The following TRAPPC13 variants were observed in gnomAD, a reference collection of about 807,000 sequenced individuals.
TRAPPC13 encodes trafficking protein particle complex subunit 13, also known as REV7-interacting novel NHEJ regulator 1.
A neutral mutation model predicts 54.0 loss-of-function variants in TRAPPC13; 39 were observed. That is an observed-to-expected ratio of 0.72 (90% CI 0.56 to 0.94). TRAPPC13 has a LOEUF of 0.94. Ranked by LOEUF, TRAPPC13 falls within the 40% of genes least tolerant of loss-of-function variation. The probability of loss-of-function intolerance (pLI) is 0.00; values close to 1 mark genes in which losing one functional copy is unlikely to be tolerated. For synonymous variants in TRAPPC13, 148 were observed against 167.7 expected (o/e 0.88, Z 0.91); for missense variants, 386 against 488.1 (o/e 0.79, Z 1.97).
chr5:65,636,174 C>T lies in TRAPPC13; in HGVS notation c.215+131C>T, dbSNP rs186037646. On this transcript the variant is annotated intron_variant, in intron 3 of 12. Coordinates refer to ENST00000399438, the MANE Select transcript of TRAPPC13 (RefSeq NM_024941.4). ...TTTTTTTTTTTCTGAGATGGAGTCT[C>T]GCTCTATTGCCCAGGCTGGAGTACA... The T allele has an allele frequency of 1.3e-4, 80 of 599,618 alleles. No individual in the cohort carries two copies. In the East Asian group the frequency reaches 1.7e-3, roughly 13 times the overall value. 37.1% of individuals were successfully genotyped at this position (599,618 alleles called of 1,614,324 possible).
intron 1 of TRAPPC13, among the ~76,000 whole-genome samples, chr5:65,627,818 CAATT>C (rs750226966): frequency 1.2e-4 from 18 of 152,110 alleles, no homozygotes; most frequent in African/African-American, 3.4e-4. Flanking sequence ...TTAAAGATCA[CAATT>C]ATTTATGAAT....
At chr5:65,649,888 A>T (rs467843) in intron 5 of TRAPPC13, among the ~76,000 whole-genome samples, 1 of 143,316 alleles carries the variant, frequency 7.0e-6, no homozygotes, top group African/African-American at 2.6e-5. Context: ...ATGGAGTCTT[A>T]CTCTGTCGCC....
intron 6 of TRAPPC13, among the ~76,000 whole-genome samples, chr5:65,651,652 G>GGGC (rs1037590667): frequency 6.7e-6 from 1 of 149,186 alleles, no homozygotes; most frequent in Non-Finnish European, 1.5e-5. Flanking sequence ...TATGTGGGGG[G>GGGC]GGTGGTGAGG....
chr5:65,633,983 T>G (rs1417065256), intron 1 of TRAPPC13, among the ~76,000 whole-genome samples: 4 of 131,296 alleles, frequency 3.0e-5, no homozygotes, highest in Admixed American at 2.3e-4. Flanking sequence ...CAGCGTTTTT[T>G]TTTTTTTTTT....
intron 9 of TRAPPC13, among the ~76,000 whole-genome samples, chr5:65,659,352 CT>C (rs1756766885): frequency 6.6e-6 from 1 of 152,160 alleles, no homozygotes; most frequent in South Asian, 2.1e-4. Context: ...ATCTTCATCC[CT>C]CCATTACATA....
At chr5:65,643,011 T>C (rs1288851698) in intron 4 of TRAPPC13, among the ~76,000 whole-genome samples, 1 of 152,156 alleles carries the variant, frequency 6.6e-6, no homozygotes, top group Non-Finnish European at 1.5e-5. Context: ...TAAGACAATA[T>C]AATAAATGTG....
rs1756467943 is a variant in TRAPPC13 at position 65,651,870 on chromosome 5, T to G, written c.502-631T>G. Among the ~76,000 whole-genome samples, 2 of 100,486 alleles carry G rather than the reference T, an allele frequency of 2.0e-5. 1 individual carries two copies. Among genetic ancestry groups the G allele is most frequent in the African/African-American group, 8.9e-5 (2 of 22,428 alleles). 65.9% of individuals were successfully genotyped at this position (100,486 alleles called of 152,430 possible). ...TTTTTTTTTTTTTTTTTTTTTTTTT[T>G]TTTTTTTTTTGAGATGGCGTTTCAC... On this transcript the variant is annotated intron_variant, in intron 6 of 12. Transcript: ENST00000399438.
intron 4 of TRAPPC13, among the ~76,000 whole-genome samples, chr5:65,642,547 A>C (rs1166572808): frequency 6.6e-6 from 1 of 151,854 alleles, no homozygotes; most frequent in Non-Finnish European, 1.5e-5. Context: ...TTTTTCTACC[A>C]TTTTTTAGCT....
chr5:65,639,696 G>T (rs2150671778), intron 4 of TRAPPC13, among the ~76,000 whole-genome samples: 1 of 152,304 alleles, frequency 6.6e-6, no homozygotes, highest in South Asian at 2.1e-4. Context: ...TGGCTTTTGA[G>T]CACTCTTTGT....
chr5:65,649,732 T>C (rs1756350958), intron 5 of TRAPPC13, among the ~76,000 whole-genome samples: 1 of 152,218 alleles, frequency 6.6e-6, no homozygotes. Context: ...CACTTTCTCG[T>C]ATTGTTACAA....
At position 65,666,072 on chromosome 5, in the gene TRAPPC13, GAAGT is replaced by G. The variant is rs1757029405; in HGVS notation, c.*1462_*1465del. The G allele has an allele frequency of 6.6e-6, 1 of 152,538 alleles. No homozygotes were observed. Among genetic ancestry groups the G allele is most frequent in the African/African-American group, 2.4e-5 (1 of 41,442 alleles). 9.4% of individuals were successfully genotyped at this position (152,538 alleles called of 1,614,324 possible). On this transcript the variant is annotated 3_prime_UTR_variant, in exon 13 of 13. Transcript: ENST00000399438. ...AATAAAGTGCAAGCAGTGTAAAATT[GAAGT>G]CTGTCTTTGTTTCAAAATGATTAAG...
At chr5:65,658,312 A>G (rs1756722186) in intron 8 of TRAPPC13, 56 bp from the exon 9 acceptor site, 2 of 1,501,146 alleles carry the variant, frequency 1.3e-6, no homozygotes, top group Non-Finnish European at 1.8e-6. Flanking sequence ...ATTTTTGTTG[A>G]GATAAATATT....
At chr5:65,625,250 C>A in intron 1 of TRAPPC13, 144 bp downstream of exon 1, 1 of 707,796 alleles carries the variant, frequency 1.4e-6, no homozygotes, top group Non-Finnish European at 2.5e-6. Context: ...CGGGAGGAAG[C>A]GATTTCTCCT....
intron 11 of TRAPPC13, 78 bp downstream of exon 11, chr5:65,662,228 A>G (rs1756872915): frequency 1.0e-6 from 1 of 1,003,816 alleles, no homozygotes; most frequent in South Asian, 1.8e-5. Flanking sequence ...TTTTGTTACT[A>G]TCTCCTTTTA....
intron 2 of TRAPPC13, among the ~76,000 whole-genome samples, chr5:65,635,720 A>G (rs1034968296): frequency 1.3e-5 from 2 of 151,176 alleles, no homozygotes; most frequent in African/African-American, 4.9e-5. Context: ...TATATTTTCT[A>G]TCTCATGACG....
intron 5 of TRAPPC13, among the ~76,000 whole-genome samples, chr5:65,649,135 G>T: frequency 6.6e-6 from 1 of 152,142 alleles, no homozygotes. Flanking sequence ...AGGATTGCTT[G>T]AGCCCAGGAG....
chr5:65,634,189 G>T (rs1464167424), intron 1 of TRAPPC13, among the ~76,000 whole-genome samples: 4 of 151,862 alleles, frequency 2.6e-5, no homozygotes, highest in African/African-American at 9.7e-5. Context: ...GTTTCACCGT[G>T]TTAGCCAGGA....
chr5:65,632,099 A>T (rs1755569603), intron 1 of TRAPPC13, among the ~76,000 whole-genome samples: 1 of 152,042 alleles, frequency 6.6e-6, no homozygotes, highest in South Asian at 2.1e-4. Context: ...TACAAAAATT[A>T]ACCGGGCATG....
chr5:65,630,594 G>T (rs1278550222), intron 1 of TRAPPC13: 1 of 1,123,728 alleles, frequency 8.9e-7, no homozygotes, highest in East Asian at 5.1e-5. Context: ...AATTAGTCAT[G>T]AATTAAGTTG....
Sources: allele counts gnomAD v4.1 joint callset (sites outside exome capture counted in the v4.1 genomes callset), GRCh38; gene constraint gnomAD v4.1.1; transcripts MANE v1.5; gene names NCBI Gene and HGNC (gene_info 2026-07-23, HGNC 2026-07-21).